Variants in MACROD2 observed in about 807,000 individuals in gnomAD.
MACROD2 encodes the protein ADP-ribose glycohydrolase MACROD2.
A neutral mutation model predicts 70.4 loss-of-function variants in MACROD2; 36 were observed. The observed-to-expected ratio is 0.51, with a 90% CI of 0.39 to 0.68. The LOEUF is 0.68. MACROD2 is among the 30% of genes least tolerant of loss of function. The pLI is 0.00. For missense variants in MACROD2, 496 were observed against 538.4 expected (o/e 0.92, Z 0.78); for synonymous variants, 172 against 178.8 (o/e 0.96, Z 0.30).
At chr20:14,861,959 T>G (rs1220167160) in intron 5 of MACROD2, among the ~76,000 whole-genome samples, 1 of 97,030 alleles carries the variant, frequency 1.0e-5, no homozygotes, top group Non-Finnish European at 2.0e-5. Context: ...AATAGGACAT[T>G]GGAGGTTTTA....
chr20:15,216,209 T>A (rs1192353948), intron 5 of MACROD2, among the ~76,000 whole-genome samples: 1 of 152,138 alleles, frequency 6.6e-6, no homozygotes, highest in African/African-American at 2.4e-5. Context: ...ATTGGATTGT[T>A]TATAACACAA....
chr20:14,992,961 AT>A (rs2074918016), intron 5 of MACROD2, among the ~76,000 whole-genome samples: 1 of 152,148 alleles, frequency 6.6e-6, no homozygotes, highest in African/African-American at 2.4e-5. Flanking sequence ...GACATTAACC[AT>A]CCTGTCTTAC....
chr20:15,486,198 AG>A (rs917756321), intron 7 of MACROD2, among the ~76,000 whole-genome samples: 2 of 152,118 alleles, frequency 1.3e-5, no homozygotes, highest in Admixed American at 1.3e-4. Flanking sequence ...GTCAAGTTCC[AG>A]GGGCAGAGAG....
At chr20:14,379,068 C>A (rs779036493) in intron 3 of MACROD2, among the ~76,000 whole-genome samples, 21 of 152,112 alleles carry the variant, frequency 1.4e-4, no homozygotes, top group South Asian at 6.2e-4. Flanking sequence ...TCATATGTGC[C>A]AGGTACTTGA....
intron 3 of MACROD2, among the ~76,000 whole-genome samples, chr20:14,460,258 G>A (rs147476183): frequency 0.13 from 19,996 of 152,056 alleles, 1,553 homozygotes; most frequent in East Asian, 0.31. Context: ...GGATTGCTGG[G>A]TCAAATGGTA....
chr20:14,125,502 A>G (rs2054637256), intron 3 of MACROD2, among the ~76,000 whole-genome samples: 1 of 152,164 alleles, frequency 6.6e-6, no homozygotes, highest in African/African-American at 2.4e-5. Flanking sequence ...CAGTAAAGAT[A>G]AACAAAAAGA....
intron 3 of MACROD2, among the ~76,000 whole-genome samples, chr20:14,149,024 C>G (rs1569180223): frequency 6.6e-6 from 1 of 152,024 alleles, no homozygotes; most frequent in Non-Finnish European, 1.5e-5. Flanking sequence ...TCTCTCTGTA[C>G]CTAGCTCCTG....
intron 3 of MACROD2, among the ~76,000 whole-genome samples, chr20:14,226,548 G>C (rs2081736173): frequency 6.6e-6 from 1 of 152,202 alleles, no homozygotes. Context: ...CGCGGCGCTT[G>C]CGGGCCAGCT....
At chr20:14,853,173 C>CTGTGTGTGTGTGTG (rs147348353) in intron 5 of MACROD2, among the ~76,000 whole-genome samples, 44 of 149,346 alleles carry the variant, frequency 2.9e-4, no homozygotes, top group African/African-American at 7.4e-4. Flanking sequence ...GTGTGTGTGT[C>CTGTGTGTGTGTGTG]TGTGTGTGTG....
chr20:14,181,947 A>C (rs1460440933), intron 3 of MACROD2, among the ~76,000 whole-genome samples: 1 of 152,180 alleles, frequency 6.6e-6, no homozygotes, highest in Non-Finnish European at 1.5e-5. Flanking sequence ...TTCTTCTGTG[A>C]ATATTTGTTT....
chr20:15,031,801 C>T (rs1005535587), intron 5 of MACROD2, among the ~76,000 whole-genome samples: 1 of 152,132 alleles, frequency 6.6e-6, no homozygotes, highest in Non-Finnish European at 1.5e-5. Context: ...ATGGACTCCA[C>T]CCAGAAATGG....
chr20:14,424,906 A>G (rs1274611940), intron 3 of MACROD2, among the ~76,000 whole-genome samples: 1 of 152,238 alleles, frequency 6.6e-6, no homozygotes, highest in East Asian at 1.9e-4. Context: ...ATGAAAGTCC[A>G]AGTAAAGAGC....
intron 8 of MACROD2, among the ~76,000 whole-genome samples, chr20:15,792,803 T>A (rs1227320695): frequency 6.6e-6 from 1 of 152,232 alleles, no homozygotes; most frequent in Non-Finnish European, 1.5e-5. Context: ...GACTTTGTGA[T>A]GCCTCTGATG....
At chr20:14,574,903 G>C (rs4580448) in intron 4 of MACROD2, among the ~76,000 whole-genome samples, 92,128 of 144,394 alleles carry the variant, frequency 0.64, 30,859 homozygotes, top group East Asian at 0.93. Flanking sequence ...CCCAGCTACT[G>C]GGGAGGCTGA....
At chr20:16,049,751 G>C in intron 17 of MACROD2, 79 bp from the exon 18 acceptor site, 1 of 1,439,046 alleles carries the variant, frequency 6.9e-7, no homozygotes, top group Non-Finnish European at 9.7e-7. Flanking sequence ...TTAAATGGCT[G>C]TATTAAAAAT....
At position 15,173,777 on chromosome 20, in the gene MACROD2, A is replaced by G. The variant is rs2076439975; in HGVS notation, c.419-56163A>G. ...GGTGATATCACGGTTGCATATTTTT[A>G]ATTGAAGCACTCATAAGGAGTCCTA... On this transcript the variant is annotated intron_variant, in intron 5 of 17. Coordinates refer to ENST00000684519, the MANE Select transcript of MACROD2 (RefSeq NM_001351661.2). Among the ~76,000 whole-genome samples, 3 of 152,168 alleles carry G rather than the reference A, an allele frequency of 2.0e-5. No individual in the cohort carries two copies. In the South Asian group the frequency reaches 6.2e-4, roughly 32 times the overall value.
intron 15 of MACROD2, among the ~76,000 whole-genome samples, chr20:16,003,049 A>G (rs931054039): frequency 6.7e-6 from 1 of 149,194 alleles, no homozygotes; most frequent in Non-Finnish European, 1.5e-5. Context: ...CTGGGGCACA[A>G]ACAAAAACAA....
intron 3 of MACROD2, among the ~76,000 whole-genome samples, chr20:14,319,777 C>G (rs1343263073): frequency 6.6e-6 from 1 of 152,044 alleles, no homozygotes; most frequent in Non-Finnish European, 1.5e-5. Flanking sequence ...TCTGCAATCC[C>G]CCCCTTTTTG....
intron 5 of MACROD2, among the ~76,000 whole-genome samples, chr20:15,152,306 T>C (rs1217663357): frequency 6.6e-6 from 1 of 151,092 alleles, no homozygotes. Flanking sequence ...GAATGGAAGG[T>C]GAAAGCTTGC....
Sources: gnomAD v4.1 joint callset for allele counts (sites outside exome capture counted in the v4.1 genomes callset) on GRCh38, gnomAD v4.1.1 for gene constraint, MANE v1.5 for transcripts, NCBI Gene and HGNC (gene_info 2026-07-23, HGNC 2026-07-21) for gene names.